The following PRDM5 variants were observed in gnomAD, a reference collection of about 807,000 sequenced individuals.
The protein encoded by PRDM5 is PR domain zinc finger protein 5.
In PRDM5, 56 loss-of-function variants were observed where a neutral mutation model predicts 81.2. The observed-to-expected ratio is 0.69, with a 90% CI of 0.56 to 0.86. The LOEUF (loss-of-function observed/expected upper bound fraction) is 0.86. Ranked by LOEUF, PRDM5 falls within the 40% of genes least tolerant of loss-of-function variation. PRDM5 has a pLI of 0.00. For missense variants in PRDM5, 697 were observed against 770.1 expected (o/e 0.91, Z 1.12); for synonymous variants, 267 against 256.4 (o/e 1.04, Z -0.39).
chr4:120,747,142 G>T (rs899319719), intron 14 of PRDM5, among the ~76,000 whole-genome samples: 1 of 150,490 alleles, frequency 6.6e-6, no homozygotes, highest in African/African-American at 2.5e-5. Flanking sequence ...TAGGGACATG[G>T]ATGAAATTGG....
intron 14 of PRDM5, among the ~76,000 whole-genome samples, chr4:120,752,396 T>C (rs1744137793): frequency 2.0e-5 from 3 of 152,294 alleles, no homozygotes; most frequent in African/African-American, 7.2e-5. Flanking sequence ...CATTACTCAT[T>C]GTGGGGGATC....
At chr4:120,854,437 C>T (rs10518380) in intron 2 of PRDM5, among the ~76,000 whole-genome samples, 9,277 of 152,104 alleles carry the variant, frequency 0.061, 450 homozygotes, top group Middle Eastern at 0.17. Flanking sequence ...CCAAGTAACA[C>T]GAACATACAG....
intron 14 of PRDM5, among the ~76,000 whole-genome samples, chr4:120,736,704 C>T (rs1156490292): frequency 1.3e-5 from 2 of 152,108 alleles, no homozygotes; most frequent in African/African-American, 4.8e-5. Flanking sequence ...GATCATGTAT[C>T]CCTAACACCT....
intron 13 of PRDM5, among the ~76,000 whole-genome samples, chr4:120,770,721 C>T (rs2149208036): frequency 1.3e-5 from 2 of 152,190 alleles, no homozygotes; most frequent in East Asian, 3.9e-4. Flanking sequence ...TTTTTATATG[C>T]ACTTCTTCCT....
intron 15 of PRDM5, among the ~76,000 whole-genome samples, chr4:120,702,741 G>A (rs1003994120): frequency 1.3e-5 from 2 of 152,126 alleles, no homozygotes; most frequent in African/African-American, 4.8e-5. Flanking sequence ...ATGCTAAATT[G>A]TTTTTATAAG....
chr4:120,892,302 T>C (rs1228016435), intron 2 of PRDM5, among the ~76,000 whole-genome samples: 4 of 152,154 alleles, frequency 2.6e-5, no homozygotes, highest in Non-Finnish European at 5.9e-5. Flanking sequence ...TATTTCTGGG[T>C]GGAGAGTTCC....
intron 10 of PRDM5, among the ~76,000 whole-genome samples, chr4:120,795,158 C>T (rs1343226887): frequency 2.0e-5 from 3 of 152,152 alleles, no homozygotes; most frequent in Non-Finnish European, 4.4e-5. Context: ...ACACACCTGT[C>T]CCCTAGGAGT....
chr4:120,821,813 G>A (rs1755318729), intron 3 of PRDM5, among the ~76,000 whole-genome samples: 1 of 150,774 alleles, frequency 6.6e-6, no homozygotes, highest in South Asian at 2.1e-4. Flanking sequence ...TCCCCTGAAA[G>A]AATTTACTGA....
chr4:120,833,949 T>C (rs961471740), intron 3 of PRDM5, among the ~76,000 whole-genome samples: 2 of 152,144 alleles, frequency 1.3e-5, no homozygotes, highest in Admixed American at 6.6e-5. Context: ...TAGTAGGGAA[T>C]GGGCTCATTA....
downstream of PRDM5, among the ~76,000 whole-genome samples, chr4:120,691,340 C>T (rs72676363): frequency 7.2e-4 from 109 of 152,182 alleles, no homozygotes; most frequent in Middle Eastern, 3.4e-3. Flanking sequence ...CTAGCTAAGG[C>T]TATGAGTCAG....
rs1405148397 is a variant in PRDM5, at chr4:120,820,964, G to A, written c.475+207C>T. On this transcript the variant is annotated intron_variant, in intron 4 of 15. Coordinates refer to ENST00000264808, the MANE Select transcript of PRDM5 (RefSeq NM_018699.4). The stretch of plus-strand genomic sequence containing the variant: ...TGCCTGCGGCCTAGGCAGTCCTATA[G>A]GGTACATCCATCACCCACTCCCAAA... Among the ~76,000 whole-genome samples, 5 of 152,326 alleles carry A rather than the reference G, an allele frequency of 3.3e-5. No homozygotes were observed. The South Asian group carries it at 8.3e-4, about 25-fold the overall frequency.
chr4:120,836,739 G>A (rs1385340614), intron 3 of PRDM5, among the ~76,000 whole-genome samples: 2 of 152,098 alleles, frequency 1.3e-5, no homozygotes, highest in African/African-American at 4.8e-5. Context: ...TGTTAGACTG[G>A]CTAGGGTGAA....
chr4:120,728,583 A>G (rs1739787116), intron 14 of PRDM5, among the ~76,000 whole-genome samples: 2 of 152,166 alleles, frequency 1.3e-5, no homozygotes, highest in Admixed American at 1.3e-4. Flanking sequence ...TCATTTTGCA[A>G]GGATATGACA....
chr4:120,714,870 T>C (rs565533913), intron 14 of PRDM5, among the ~76,000 whole-genome samples: 1 of 152,296 alleles, frequency 6.6e-6, no homozygotes, highest in African/African-American at 2.4e-5. Context: ...GGTTTTCTGG[T>C]GAGGCAGATA....
chr4:120,839,161 C>A, intron 3 of PRDM5: 1 of 690,404 alleles, frequency 1.4e-6, no homozygotes, highest in Admixed American at 2.0e-5. Flanking sequence ...TGAAAGGCTG[C>A]AGCTCTTCTC....
chr4:120,731,914 T>C (rs764187806), intron 14 of PRDM5: 9 of 152,182 alleles, frequency 5.9e-5, no homozygotes, highest in Non-Finnish European at 1.3e-4. Flanking sequence ...TGGGTCTCTG[T>C]GATTAGCAAG....
intron 14 of PRDM5, among the ~76,000 whole-genome samples, chr4:120,749,863 G>C (rs532019885): frequency 6.6e-6 from 1 of 152,144 alleles, no homozygotes; most frequent in African/African-American, 2.4e-5. Context: ...TGCTGCTGCG[G>C]GAAGAGGGGC....
intron 13 of PRDM5, among the ~76,000 whole-genome samples, chr4:120,774,817 T>G (rs540906677): frequency 6.6e-6 from 1 of 151,384 alleles, no homozygotes; most frequent in African/African-American, 2.4e-5. Flanking sequence ...ACAATTAGAA[T>G]TAGAGTTTCT....
rs10019591 is a variant in PRDM5 at position 120,767,101 on chromosome 4, T to A, written c.1537+10087A>T. Among the ~76,000 whole-genome samples the A allele has an allele frequency of 7.9e-3, 1,197 of 152,074 alleles. 16 individuals carry two copies. Among genetic ancestry groups the A allele is most frequent in the African/African-American group, 0.027 (1,133 of 41,498 alleles). On this transcript the variant is annotated intron_variant, in intron 13 of 15. Transcript: ENST00000264808. ...AGGTAGTGAAGGATAAAATCAATCA[T>A]AAAATGAAGGAATTGAAGGATGTTT...
Sources: allele counts gnomAD v4.1 joint callset (sites outside exome capture counted in the v4.1 genomes callset), GRCh38; gene constraint gnomAD v4.1.1; transcripts MANE v1.5; gene names NCBI Gene and HGNC (gene_info 2026-07-23, HGNC 2026-07-21).